LYRM4: variants seen among roughly 807,000 people sequenced by gnomAD.
LYRM4 encodes the protein LYR motif containing 4, also known as LYR motif-containing protein 4.
Under a neutral mutation model 11.7 loss-of-function variants are expected in LYRM4, and 9 were observed. The observed-to-expected ratio is 0.77, with a 90% CI of 0.46 to 1.34. The LOEUF (loss-of-function observed/expected upper bound fraction) is 1.34. Ranked by LOEUF, LYRM4 falls within the 40% of genes most tolerant of loss-of-function variation. LYRM4 has a pLI of 0.00. For missense variants in LYRM4, 133 were observed against 112.5 expected (o/e 1.18, Z -0.82); for synonymous variants, 42 against 40.4 (o/e 1.04, Z -0.15).
At chr6:5,038,446 G>C in the LYRM4 span, among the ~76,000 whole-genome samples, 8 of 67,140 alleles carry the variant, frequency 1.2e-4, 1 homozygote, top group African/African-American at 2.0e-4. Flanking sequence ...AGACGATGGG[G>C]GGCCAGGCAG....
At chr6:5,116,009 C>A (rs1763102899) in intron 2 of LYRM4, among the ~76,000 whole-genome samples, 1 of 152,106 alleles carries the variant, frequency 6.6e-6, no homozygotes, top group Non-Finnish European at 1.5e-5. Context: ...ACTTAGGTGC[C>A]TTCAAAGCAC....
At chr6:5,147,276 T>C (rs1209500989) in intron 2 of LYRM4, among the ~76,000 whole-genome samples, 2 of 152,234 alleles carry the variant, frequency 1.3e-5, no homozygotes, top group Non-Finnish European at 2.9e-5. Flanking sequence ...GCTGGGATTT[T>C]GTTTTCTTTA....
intron 1 of LYRM4, among the ~76,000 whole-genome samples, chr6:5,240,982 A>G (rs1457439592): frequency 6.6e-6 from 1 of 152,242 alleles, no homozygotes; most frequent in Non-Finnish European, 1.5e-5. Context: ...ATACGGGGAA[A>G]AACGTTGGCT....
intron 1 of LYRM4, among the ~76,000 whole-genome samples, chr6:5,236,003 T>C (rs1471526704): frequency 1.3e-5 from 2 of 152,234 alleles, no homozygotes; most frequent in Non-Finnish European, 2.9e-5. Flanking sequence ...GGGAACTCTA[T>C]GTCAACAAAA....
At chr6:5,086,386 C>G in the LYRM4 span, 3 of 1,536,198 alleles carry the variant, frequency 2.0e-6, no homozygotes, top group South Asian at 3.6e-5. Context: ...CGAGTGCTTC[C>G]ACTTCTCGCT....
At chr6:5,137,362 G>T (rs1757157648) in intron 2 of LYRM4, among the ~76,000 whole-genome samples, 1 of 152,072 alleles carries the variant, frequency 6.6e-6, no homozygotes, top group African/African-American at 2.4e-5. Flanking sequence ...TGTAGGGGTG[G>T]GATTGCTGGA....
At chr6:5,212,775 G>A (rs1762052103) in intron 2 of LYRM4, among the ~76,000 whole-genome samples, 1 of 152,216 alleles carries the variant, frequency 6.6e-6, no homozygotes, top group South Asian at 2.1e-4. Flanking sequence ...AGACTGGATG[G>A]TAATTTTCCA....
chr6:5,226,920 G>C (rs955865204), intron 1 of LYRM4, among the ~76,000 whole-genome samples: 1 of 152,134 alleles, frequency 6.6e-6, no homozygotes, highest in Non-Finnish European at 1.5e-5. Context: ...ATCAGTAGTA[G>C]AGAGGGCTGA....
At chr6:5,115,306 C>T (rs955611066) in intron 2 of LYRM4, among the ~76,000 whole-genome samples, 1 of 152,116 alleles carries the variant, frequency 6.6e-6, no homozygotes, top group African/African-American at 2.4e-5. Context: ...TCTGTTTGTC[C>T]GGCTGACGCT....
chr6:5,246,127 T>C (rs529072352), intron 1 of LYRM4, among the ~76,000 whole-genome samples: 1 of 152,218 alleles, frequency 6.6e-6, no homozygotes, highest in East Asian at 1.9e-4. Flanking sequence ...GAAGGATGAA[T>C]AAAAATTTGC....
At chr6:5,132,283 A>C (rs927351991) in intron 2 of LYRM4, among the ~76,000 whole-genome samples, 2 of 152,184 alleles carry the variant, frequency 1.3e-5, no homozygotes, top group African/African-American at 4.8e-5. Context: ...TAATATTCAT[A>C]TTTCCTTAGG....
rs1255246397 is a variant in LYRM4, at chr6:5,144,163, C to T, written c.208-34672G>A. 10 of 1,536,650 alleles carry T rather than the reference C, an allele frequency of 6.5e-6. 1 individual carries two copies. The Admixed American group carries it at 1.6e-4, about 24-fold the overall frequency. On this transcript the variant is annotated intron_variant, in intron 2 of 2. Transcript: ENST00000330636. ...CAGCTCTGTGAGGAAGAGCAAACGT[C>T]TGTCAGGTGGTTTCCTCAAGGCCAA... is the stretch of plus-strand genomic sequence containing the variant.
chr6:5,115,867 C>G (rs1463646433), intron 2 of LYRM4, among the ~76,000 whole-genome samples: 1 of 152,148 alleles, frequency 6.6e-6, no homozygotes, highest in Non-Finnish European at 1.5e-5. Flanking sequence ...GCGTGTCTGT[C>G]TGATACATAT....
intron 1 of LYRM4, among the ~76,000 whole-genome samples, chr6:5,245,642 GCA>G (rs1048415452): frequency 3.9e-5 from 6 of 152,178 alleles, no homozygotes; most frequent in Non-Finnish European, 8.8e-5. Flanking sequence ...CTGAGCAAAA[GCA>G]AATCTAGTCC....
At chr6:5,059,766 A>G in the LYRM4 span, among the ~76,000 whole-genome samples, 4 of 151,942 alleles carry the variant, frequency 2.6e-5, no homozygotes. Context: ...ATCACATGCT[A>G]ATAAATTTAT....
chr6:5,209,976 G>T (rs1458432848), intron 2 of LYRM4, among the ~76,000 whole-genome samples: 1 of 152,116 alleles, frequency 6.6e-6, no homozygotes, highest in Non-Finnish European at 1.5e-5. Flanking sequence ...TCTAGTACTG[G>T]TAACACATCT....
At chr6:5,073,502 A>C in the LYRM4 span, among the ~76,000 whole-genome samples, 1 of 148,348 alleles carries the variant, frequency 6.7e-6, no homozygotes, top group South Asian at 2.1e-4. Context: ...ATATCTCTAT[A>C]TATATCTCTC....
At chr6:5,256,577 G>A (rs1226979821) in intron 1 of LYRM4, among the ~76,000 whole-genome samples, 1 of 143,006 alleles carries the variant, frequency 7.0e-6, no homozygotes, top group Non-Finnish European at 1.5e-5. Flanking sequence ...TTTACACTGT[G>A]TGAGATGGAT....
At chr6:5,238,704 G>C (rs528623233) in intron 1 of LYRM4, among the ~76,000 whole-genome samples, 1 of 152,280 alleles carries the variant, frequency 6.6e-6, no homozygotes, top group East Asian at 1.9e-4. Context: ...TTATTTTGCT[G>C]AAGTTTCTAC....
Sources: allele counts gnomAD v4.1 joint callset (sites outside exome capture counted in the v4.1 genomes callset), GRCh38; gene constraint gnomAD v4.1.1; transcripts MANE v1.5; gene names NCBI Gene and HGNC (gene_info 2026-07-23, HGNC 2026-07-21).